AEBP2: variants seen among roughly 807,000 people sequenced by gnomAD.
The protein encoded by AEBP2 is zinc finger protein AEBP2.
AEBP2 carries 10 observed loss-of-function variants against 50.8 expected under a neutral mutation model. That is an observed-to-expected ratio of 0.20 (90% confidence interval 0.12 to 0.33). The LOEUF (loss-of-function observed/expected upper bound fraction) is 0.33, where lower values mean the gene tolerates loss of function less well. AEBP2 is among the 10% of genes least tolerant of loss of function. The pLI, the probability that AEBP2 is intolerant of heterozygous loss-of-function variation, is 1.00. For synonymous variants in AEBP2, 296 were observed against 261.3 expected (o/e 1.13, Z -1.28); for missense variants, 570 against 688.0 (o/e 0.83, Z 1.92).
chr12:19,427,377 C>CA (rs58310486), intron 1 of AEBP2, among the ~76,000 whole-genome samples: 863 of 69,506 alleles, frequency 0.012, 7 homozygotes, highest in Non-Finnish European at 0.012. Context: ...GAGTCTGTCT[C>CA]AAAAAAAAAA....
At chr12:19,417,986 G>A (rs1426846157) in intron 1 of AEBP2, among the ~76,000 whole-genome samples, 1 of 152,056 alleles carries the variant, frequency 6.6e-6, no homozygotes, top group African/African-American at 2.4e-5. Flanking sequence ...ACAGTCATGA[G>A]GCACTGCGCC....
intron 5 of AEBP2, among the ~76,000 whole-genome samples, chr12:19,503,390 T>G (rs1949112077): frequency 6.6e-6 from 1 of 151,906 alleles, no homozygotes; most frequent in African/African-American, 2.4e-5. Flanking sequence ...CATTCTTGAT[T>G]TGGTTGTCAG....
At chr12:19,428,813 C>CA (rs549687367) in intron 1 of AEBP2, among the ~76,000 whole-genome samples, 3,372 of 134,478 alleles carry the variant, frequency 0.025, 46 homozygotes, top group East Asian at 0.047. Flanking sequence ...AACTCCATCT[C>CA]AAAAAAAAAA....
chr12:19,413,063 A>G, intron 1 of AEBP2: 1 of 533,516 alleles, frequency 1.9e-6, no homozygotes, highest in Non-Finnish European at 3.4e-6. Context: ...CCTGGATCCA[A>G]GCACAGTCTC....
intron 1 of AEBP2, among the ~76,000 whole-genome samples, chr12:19,416,515 C>T (rs894181531): frequency 2.6e-5 from 4 of 152,010 alleles, no homozygotes; most frequent in Non-Finnish European, 5.9e-5. Flanking sequence ...AAGCGATTCT[C>T]CTGCCTCAGG....
At chr12:19,417,778 C>T (rs952632593) in intron 1 of AEBP2, among the ~76,000 whole-genome samples, 4 of 151,710 alleles carry the variant, frequency 2.6e-5, no homozygotes, top group Non-Finnish European at 5.9e-5. Context: ...GATCTCGGCT[C>T]ACTGCAATTT....
intron 1 of AEBP2, among the ~76,000 whole-genome samples, chr12:19,431,077 A>G (rs1422601194): frequency 3.3e-5 from 5 of 152,088 alleles, no homozygotes; most frequent in Admixed American, 3.3e-4. Flanking sequence ...TGTAGACATG[A>G]CAAAATAGAT....
rs1004512596 is a variant in AEBP2 at position 19,519,180 on chromosome 12, A to C, written c.*1063A>C. The C allele has an allele frequency of 6.6e-6, 1 of 152,552 alleles. No homozygotes were observed. Among genetic ancestry groups the C allele is most frequent in the Admixed American group, 6.5e-5 (1 of 15,268 alleles). 9.4% of individuals were successfully genotyped at this position (152,552 alleles called of 1,614,324 possible). Reference sequence around the variant, plus strand: ...TAGTATTGTATTAAACAAATGTTGCATAGAGATAATAGAACATTGCTTGTA... The same window carrying C: ...TAGTATTGTATTAAACAAATGTTGCCTAGAGATAATAGAACATTGCTTGTA... On this transcript the variant is annotated 3_prime_UTR_variant, in exon 8 of 8. Transcript: ENST00000266508.
At chr12:19,463,088 C>T (rs896561566) in intron 2 of AEBP2, among the ~76,000 whole-genome samples, 2 of 152,106 alleles carry the variant, frequency 1.3e-5, no homozygotes, top group Admixed American at 6.5e-5. Flanking sequence ...ATTCCTGACG[C>T]TTAAATTAAC....
chr12:19,500,748 C>G (rs1565733323), intron 5 of AEBP2, among the ~76,000 whole-genome samples: 2 of 152,150 alleles, frequency 1.3e-5, no homozygotes, highest in African/African-American at 2.4e-5. Context: ...TCCCAAGTGC[C>G]TAGAATTTTG....
chr12:19,468,126 T>TGTGTGTGTG (rs1948511309), intron 2 of AEBP2, among the ~76,000 whole-genome samples: 1 of 143,958 alleles, frequency 6.9e-6, no homozygotes, highest in African/African-American at 2.6e-5. Context: ...CTGCCTGACT[T>TGTGTGTGTG]TGTGTGTGTG....
chr12:19,462,747 C>T (rs1324795256), intron 2 of AEBP2, 30 bp downstream of exon 2: 5 of 1,546,510 alleles, frequency 3.2e-6, no homozygotes, highest in East Asian at 2.3e-5. Context: ...TTTTTCGCTC[C>T]CTGTTTTCGT....
At chr12:19,422,434 T>G (rs2095746287) in intron 1 of AEBP2, among the ~76,000 whole-genome samples, 1 of 152,102 alleles carries the variant, frequency 6.6e-6, no homozygotes, top group Non-Finnish European at 1.5e-5. Context: ...CTTAGGCATT[T>G]CAAGGATTTT....
Position 19,518,215 on chromosome 12 carries a change from C to CTT in AEBP2, c.*99_*100dup. On this transcript the variant is annotated 3_prime_UTR_variant, in exon 8 of 8. Transcript: ENST00000266508. ...GAAAGTTGCACATTAGAGTCAACCC[C>CTT]TTCTTTTTTTTTTTTTTTTTTTTAA... The CTT allele has an allele frequency of 1.3e-5, 16 of 1,273,276 alleles. No individual in the cohort carries two copies. Among genetic ancestry groups the CTT allele is most frequent in the South Asian group, 7.2e-5 (3 of 41,680 alleles). 78.9% of individuals were successfully genotyped at this position (1,273,276 alleles called of 1,614,324 possible). A position where few individuals can be genotyped will look rare whatever the true frequency, so the allele number is the denominator to read the frequency against.
intron 4 of AEBP2, among the ~76,000 whole-genome samples, chr12:19,499,304 A>C (rs905691093): frequency 6.6e-6 from 1 of 152,168 alleles, no homozygotes; most frequent in Non-Finnish European, 1.5e-5. Flanking sequence ...CATAATCAAG[A>C]AAATACTTGT....
intron 7 of AEBP2, among the ~76,000 whole-genome samples, chr12:19,516,794 AGGTGGGTG>A: frequency 6.6e-6 from 1 of 152,248 alleles, no homozygotes; most frequent in Non-Finnish European, 1.5e-5. Context: ...TGGGAGGCCG[AGGTGGGTG>A]GATCACTTGA....
chr12:19,443,102 T>G (rs1212409180), intron 1 of AEBP2, among the ~76,000 whole-genome samples: 2 of 56,156 alleles, frequency 3.6e-5, no homozygotes, highest in Non-Finnish European at 6.6e-5. Context: ...AATATCTTTT[T>G]CTTTTTTTTT....
rs567429282 is a variant in AEBP2, at chr12:19,476,540, C to T, written c.987+3185C>T. ...AATTTTTAGTAGAGACAGAGCTTCA[C>T]CCTGTTGGTCAGGCTGGTCTCGAAC... On this transcript the variant is annotated intron_variant, in intron 3 of 7. Coordinates refer to ENST00000266508, the MANE Select transcript of AEBP2 (RefSeq NM_153207.5). Among the ~76,000 whole-genome samples, 9 of 152,210 alleles carry T rather than the reference C, an allele frequency of 5.9e-5. No homozygotes were observed. In the South Asian group the frequency reaches 1.9e-3, roughly 32 times the overall value.
chr12:19,478,031 A>G (rs538182615), intron 3 of AEBP2, among the ~76,000 whole-genome samples: 2 of 152,222 alleles, frequency 1.3e-5, no homozygotes, highest in Admixed American at 1.3e-4. Flanking sequence ...TGGTTGTAAT[A>G]TCTTTTGTTT....
Sources: allele counts gnomAD v4.1 joint callset (sites outside exome capture counted in the v4.1 genomes callset), GRCh38; gene constraint gnomAD v4.1.1; transcripts MANE v1.5; gene names NCBI Gene and HGNC (gene_info 2026-07-23, HGNC 2026-07-21).